CALN1: variants seen among roughly 807,000 people sequenced by gnomAD.
The protein encoded by CALN1 is calneuron 1, also known as calcium-binding protein 8.
A neutral mutation model predicts 30.6 loss-of-function variants in CALN1; 17 were observed. The observed-to-expected ratio is 0.56, with a 90% CI of 0.38 to 0.83. The LOEUF (loss-of-function observed/expected upper bound fraction) is 0.83. CALN1 is among the 40% of genes least tolerant of loss of function. The pLI is 0.00. For synonymous variants in CALN1, 156 were observed against 131.4 expected (o/e 1.19, Z -1.28); for missense variants, 291 against 354.9 (o/e 0.82, Z 1.45).
At chr7:71,893,261 CT>C (rs1167224656) in intron 5 of CALN1, among the ~76,000 whole-genome samples, 1 of 152,090 alleles carries the variant, frequency 6.6e-6, no homozygotes, top group Non-Finnish European at 1.5e-5. Context: ...TGGGTAGAGG[CT>C]ATGGATGCTG....
At chr7:71,874,132 G>A (rs13229166) in intron 5 of CALN1, among the ~76,000 whole-genome samples, 17,305 of 151,780 alleles carry the variant, frequency 0.11, 1,437 homozygotes, top group East Asian at 0.44. Flanking sequence ...AAAATTAGCT[G>A]GGCGTGGTGG....
intron 2 of CALN1, among the ~76,000 whole-genome samples, chr7:72,313,869 A>C (rs763891511): frequency 1.3e-5 from 2 of 152,166 alleles, no homozygotes; most frequent in Non-Finnish European, 1.5e-5. Context: ...AAGGGAAGGG[A>C]GAGATTTCAA....
chr7:71,888,365 C>T (rs80277199), intron 5 of CALN1, among the ~76,000 whole-genome samples: 4 of 150,610 alleles, frequency 2.7e-5, no homozygotes, highest in East Asian at 2.0e-4. Context: ...TACTGAAAAC[C>T]GCTGACTTGT....
At chr7:72,371,844 T>C (rs1469843343) in intron 2 of CALN1, among the ~76,000 whole-genome samples, 1 of 152,214 alleles carries the variant, frequency 6.6e-6, no homozygotes, top group Admixed American at 6.5e-5. Flanking sequence ...AAAGTAAGCA[T>C]GTTCCACCCT....
At chr7:72,082,080 G>A (rs1189826097) in intron 4 of CALN1, among the ~76,000 whole-genome samples, 1 of 152,018 alleles carries the variant, frequency 6.6e-6, no homozygotes, top group Admixed American at 6.6e-5. Flanking sequence ...TCTGCCTCCT[G>A]GGTTCAAGCG....
chr7:72,065,788 G>C (rs1444786310), intron 4 of CALN1, among the ~76,000 whole-genome samples: 1 of 152,098 alleles, frequency 6.6e-6, no homozygotes, highest in Non-Finnish European at 1.5e-5. Flanking sequence ...AGCTACTCAG[G>C]AGGCTGAGGC....
chr7:71,873,190 G>C (rs1441837261), intron 5 of CALN1, among the ~76,000 whole-genome samples: 1 of 151,672 alleles, frequency 6.6e-6, no homozygotes, highest in Non-Finnish European at 1.5e-5. Context: ...TTTTAGTAGA[G>C]ACAGGGTTTC....
At chr7:72,294,895 T>C (rs1798748136) in intron 2 of CALN1, among the ~76,000 whole-genome samples, 1 of 152,106 alleles carries the variant, frequency 6.6e-6, no homozygotes, top group African/African-American at 2.4e-5. Flanking sequence ...TATTAGGCTA[T>C]GAAGGCTAAT....
intron 3 of CALN1, among the ~76,000 whole-genome samples, chr7:72,265,830 G>A (rs1796558492): frequency 6.6e-6 from 1 of 151,914 alleles, no homozygotes; most frequent in South Asian, 2.1e-4. Flanking sequence ...TCACCTGTTG[G>A]GAAGGCTTTC....
chr7:71,994,467 G>A (rs533415452), intron 5 of CALN1, among the ~76,000 whole-genome samples: 5 of 145,112 alleles, frequency 3.4e-5, no homozygotes, highest in Admixed American at 1.4e-4. Context: ...AGCCGAGATC[G>A]TGCCACTGCA....
chr7:71,788,004 G>A (rs1793077552), intron 6 of CALN1, 102 bp from the exon 7 acceptor site: 1 of 1,489,540 alleles, frequency 6.7e-7, no homozygotes, highest in African/African-American at 1.4e-5. Flanking sequence ...TTCCTCAACA[G>A]GCCAGCAGTG....
intron 1 of CALN1, among the ~76,000 whole-genome samples, chr7:72,422,778 AC>A (rs1384115135): frequency 6.6e-6 from 1 of 151,774 alleles, no homozygotes; most frequent in Non-Finnish European, 1.5e-5. Context: ...TCTTACATGA[AC>A]TCTCATGGTG....
intron 5 of CALN1, among the ~76,000 whole-genome samples, chr7:71,984,081 G>T (rs188371397): frequency 1.2e-4 from 19 of 152,206 alleles, no homozygotes; most frequent in Non-Finnish European, 2.6e-4. Flanking sequence ...TTAATCAAAA[G>T]AATACTCTCT....
In CALN1 at chr7:72,115,109, A is replaced by AAT. The variant is rs1400515254; in HGVS notation, c.245-8817_245-8816dup. On this transcript the variant is annotated intron_variant, in intron 3 of 6. Coordinates refer to ENST00000395275, the MANE Select transcript of CALN1 (RefSeq NM_031468.4). Reference sequence around the variant, plus strand: ...GGACATTATACTATATATATAGTATAATATATATAGTATAATATAAATATA... The same window carrying AAT: ...GGACATTATACTATATATATAGTATAATATATATATAGTATAATATAAATATA... Among the ~76,000 whole-genome samples the AAT allele has an allele frequency of 2.0e-5, 3 of 148,086 alleles. 1 individual carries two copies. Among genetic ancestry groups the AAT allele is most frequent in the Non-Finnish European group, 3.0e-5 (2 of 67,310 alleles).
intron 4 of CALN1, among the ~76,000 whole-genome samples, chr7:72,061,815 A>AAAAG (rs1563022544): frequency 6.6e-6 from 1 of 150,634 alleles, no homozygotes; most frequent in African/African-American, 2.4e-5. Flanking sequence ...AAAAAAAAAA[A>AAAAG]AAAGAAATAA....
chr7:72,300,428 A>G (rs78333901), intron 2 of CALN1, among the ~76,000 whole-genome samples: 1 of 151,084 alleles, frequency 6.6e-6, no homozygotes, highest in Non-Finnish European at 1.5e-5. Flanking sequence ...CAAAAAAGAT[A>G]AAAACAAGAA....
intron 2 of CALN1, among the ~76,000 whole-genome samples, chr7:72,331,584 T>C (rs930074181): frequency 3.3e-5 from 5 of 152,202 alleles, no homozygotes; most frequent in African/African-American, 1.2e-4. Context: ...AGGAAAGAAT[T>C]CAAGGGCAAG....
chr7:72,341,610 C>A (rs1802389686), intron 2 of CALN1, among the ~76,000 whole-genome samples: 1 of 152,144 alleles, frequency 6.6e-6, no homozygotes, highest in African/African-American at 2.4e-5. Context: ...TGGGGGCCTC[C>A]CACATAACCA....
intron 3 of CALN1, among the ~76,000 whole-genome samples, chr7:72,141,971 T>C (rs746481693): frequency 2.0e-5 from 3 of 152,046 alleles, no homozygotes; most frequent in Non-Finnish European, 2.9e-5. Context: ...ACATTTCAGG[T>C]TGAAATATGA....
Sources: allele counts gnomAD v4.1 joint callset (sites outside exome capture counted in the v4.1 genomes callset), GRCh38; gene constraint gnomAD v4.1.1; transcripts MANE v1.5; gene names NCBI Gene and HGNC (gene_info 2026-07-23, HGNC 2026-07-21).